DPY30: variants seen among roughly 807,000 people sequenced by gnomAD.
The protein encoded by DPY30 is protein dpy-30 homolog.
In DPY30, 6 loss-of-function variants were observed where a neutral mutation model predicts 16.2. The ratio of observed to expected loss-of-function variants is 0.37; its 90% confidence interval spans 0.20 to 0.73. The LOEUF is 0.73. Ranked by LOEUF, DPY30 falls within the 30% of genes least tolerant of loss-of-function variation. DPY30 has a pLI of 0.51. For missense variants in DPY30, 73 were observed against 113.1 expected (o/e 0.65, Z 1.61); for synonymous variants, 39 against 38.8 (o/e 1.00, Z -0.02).
intron 4 of DPY30, among the ~76,000 whole-genome samples, chr2:32,027,365 A>C (rs1468523601): frequency 6.6e-6 from 1 of 151,316 alleles, no homozygotes; most frequent in African/African-American, 2.4e-5. Flanking sequence ...CCCCATCTCT[A>C]CTAAAAATAC....
chr2:32,027,546 A>C (rs1279848733), intron 4 of DPY30, among the ~76,000 whole-genome samples: 2 of 151,730 alleles, frequency 1.3e-5, no homozygotes, highest in East Asian at 1.9e-4. Context: ...AAAAAAAAAA[A>C]AAGAGTAGAA....
chr2:32,031,820 G>C (rs1445020135), intron 3 of DPY30, among the ~76,000 whole-genome samples: 1 of 151,680 alleles, frequency 6.6e-6, no homozygotes, highest in African/African-American at 2.4e-5. Flanking sequence ...TTGATTCCAG[G>C]AGGCAGAGGT....
chr2:32,039,737 G>C lies in DPY30; in HGVS notation c.-41C>G. On this transcript the variant is annotated 5_prime_UTR_variant, in exon 1 of 5. Transcript: ENST00000342166. Reference sequence around the variant, plus strand: ...GGGGGAAAGGGAGCTGATTACCCGCGCCCAAGCCGTTCGTTCTTAAGAGCC... The same window carrying C: ...GGGGGAAAGGGAGCTGATTACCCGCCCCCAAGCCGTTCGTTCTTAAGAGCC... The C allele has an allele frequency of 5.4e-6, 3 of 552,136 alleles. No homozygotes were observed. In the South Asian group the frequency reaches 6.7e-5, roughly 12 times the overall value. The allele number at this position is 552,136 out of a possible 1,614,324, so 34.2% of individuals were successfully genotyped here. A position where few individuals can be genotyped will look rare whatever the true frequency, so the allele number is the denominator to read the frequency against.
At chr2:32,027,549 G>C (rs1056773048) in intron 4 of DPY30, among the ~76,000 whole-genome samples, 10 of 140,124 alleles carry the variant, frequency 7.1e-5, no homozygotes, top group African/African-American at 2.7e-4. Flanking sequence ...AAAAAAAAAA[G>C]AGTAGAATAA....
At chr2:32,014,054 G>A (rs936155775) in intron 5 of DPY30, among the ~76,000 whole-genome samples, 1 of 151,974 alleles carries the variant, frequency 6.6e-6, no homozygotes, top group Admixed American at 6.6e-5. Flanking sequence ...GGGAGGGGAG[G>A]GAGGAAGGGA....
rs752838001 is a variant in DPY30, at chr2:32,031,836, T to C, written c.85-2100A>G. 5.3e-5 allele frequency among the ~76,000 whole-genome samples: 8 copies of C among 151,504 alleles called. No homozygotes were observed. The East Asian group carries it at 1.5e-3, about 29-fold the overall frequency. On this transcript the variant is annotated intron_variant, in intron 3 of 4. Transcript: ENST00000342166. ...TGATTCCAGGAGGCAGAGGTTGCAG[T>C]GAGCCAAGATTGCGCCACTGCACTC... is the stretch of plus-strand genomic sequence containing the variant.
At chr2:32,011,669 T>G (rs1239128511), downstream of DPY30, among the ~76,000 whole-genome samples, 1 of 152,242 alleles carries the variant, frequency 6.6e-6, no homozygotes, top group Non-Finnish European at 1.5e-5. Context: ...GAGGAAGTGT[T>G]ATTGTTACAA....
At chr2:32,030,168 T>C (rs1038512075) in intron 3 of DPY30, among the ~76,000 whole-genome samples, 1 of 152,042 alleles carries the variant, frequency 6.6e-6, no homozygotes, top group African/African-American at 2.4e-5. Context: ...CCAAGGCTTA[T>C]ACACTCAAGA....
chr2:32,031,282 T>G (rs1301427405), intron 3 of DPY30, among the ~76,000 whole-genome samples: 1 of 151,602 alleles, frequency 6.6e-6, no homozygotes, highest in Non-Finnish European at 1.5e-5. Context: ...TAGCCGGGCG[T>G]GGTAGTGCAC....
chr2:32,023,549 T>A (rs756509130), downstream of DPY30: 6 of 506,536 alleles, frequency 1.2e-5, no homozygotes, highest in African/African-American at 2.0e-5. Context: ...AAATGTACTA[T>A]GCCTGAAACT....
intron 3 of DPY30, among the ~76,000 whole-genome samples, chr2:32,031,248 C>T (rs1490045752): frequency 6.6e-6 from 1 of 151,800 alleles, no homozygotes; most frequent in African/African-American, 2.4e-5. Context: ...GGCAAAACCC[C>T]GTCTCTACTA....
At position 32,030,617 on chromosome 2, in the gene DPY30, G is replaced by A. The variant is rs374470426; in HGVS notation, c.85-881C>T. Among the ~76,000 whole-genome samples, 1,428 of 146,580 alleles carry A rather than the reference G, an allele frequency of 9.7e-3. 25 individuals carry two copies. The highest frequency in any genetic ancestry group is 0.046 in the South Asian group (212 of 4,570). On this transcript the variant is annotated intron_variant, in intron 3 of 4. Transcript: ENST00000342166. ...CACACTCCAGCCTGGGCGACAGAGC[G>A]AGACTCAGTCTCAAAAAAAAAAAAA...
downstream of DPY30, chr2:32,011,900 T>C (rs1211093181): frequency 1.3e-5 from 2 of 152,170 alleles, no homozygotes; most frequent in Non-Finnish European, 2.9e-5. Context: ...GAATTTTTTA[T>C]TTTTTAATTA....
chr2:32,014,610 C>A (rs912821346), intron 5 of DPY30, among the ~76,000 whole-genome samples: 27 of 151,848 alleles, frequency 1.8e-4, no homozygotes, highest in Non-Finnish European at 3.2e-4. Flanking sequence ...CAGCCTCCCG[C>A]GTAGCTGGGA....
downstream of DPY30, among the ~76,000 whole-genome samples, chr2:32,019,882 A>C (rs973485692): frequency 2.0e-5 from 3 of 147,296 alleles, no homozygotes; most frequent in Non-Finnish European, 3.0e-5. Flanking sequence ...GTGTATATAT[A>C]TATGTATATG....
At chr2:32,036,490 T>G (rs1406537647) in intron 3 of DPY30, among the ~76,000 whole-genome samples, 1 of 151,746 alleles carries the variant, frequency 6.6e-6, no homozygotes, top group Non-Finnish European at 1.5e-5. Context: ...GCTAACACGG[T>G]GAAACCCCGT....
chr2:32,019,510 C>CA (rs1675130436), downstream of DPY30, among the ~76,000 whole-genome samples: 1 of 151,260 alleles, frequency 6.6e-6, no homozygotes, highest in Admixed American at 6.6e-5. Flanking sequence ...GACGCTGTCT[C>CA]AAAAAAATAT....
intron 5 of DPY30, among the ~76,000 whole-genome samples, chr2:32,012,898 T>C (rs909071202): frequency 2.0e-4 from 31 of 152,208 alleles, no homozygotes; most frequent in Non-Finnish European, 2.9e-4. Context: ...TGATGATGGT[T>C]CTTATGGTTA....
chr2:32,032,123 A>T (rs1383884863), intron 3 of DPY30, among the ~76,000 whole-genome samples: 1 of 152,172 alleles, frequency 6.6e-6, no homozygotes, highest in Non-Finnish European at 1.5e-5. Context: ...TAACATATAT[A>T]GCATGGTTTC....
Sources: gnomAD v4.1 joint callset for allele counts (sites outside exome capture counted in the v4.1 genomes callset) on GRCh38, gnomAD v4.1.1 for gene constraint, MANE v1.5 for transcripts, NCBI Gene and HGNC (gene_info 2026-07-23, HGNC 2026-07-21) for gene names.